Variants in PDGFRB observed in about 807,000 individuals in gnomAD.
PDGFRB encodes the protein platelet-derived growth factor receptor beta.
A neutral mutation model predicts 120.2 loss-of-function variants in PDGFRB; 42 were observed. The observed-to-expected ratio is 0.35, with a 90% CI of 0.27 to 0.45. The LOEUF is 0.45. Ranked by LOEUF, PDGFRB falls within the 20% of genes least tolerant of loss-of-function variation. The pLI is 1.00. For synonymous variants in PDGFRB, 586 were observed against 606.8 expected (o/e 0.97, Z 0.50); for missense variants, 1,149 against 1,476.3 (o/e 0.78, Z 3.63).
intron 8 of PDGFRB, among the ~76,000 whole-genome samples, 181 bp downstream of exon 8, chr5:150,131,798 G>A (rs539636104): frequency 6.6e-6 from 1 of 152,306 alleles, no homozygotes; most frequent in African/African-American, 2.4e-5. Flanking sequence ...ATACAGCTGG[G>A]GAAACTGAGG....
intron 4 of PDGFRB, 52 bp from the exon 5 acceptor site, chr5:150,134,060 C>T (rs1760555668): frequency 1.3e-6 from 2 of 1,582,562 alleles, no homozygotes; most frequent in Non-Finnish European, 1.7e-6. Flanking sequence ...CAGCCACTAG[C>T]ACTTCAGCTT....
rs756251957 is a variant in PDGFRB at position 150,132,057 on chromosome 5, C to T, written c.1165G>A (p.Ala389Thr). The T allele has an allele frequency of 6.8e-6, 11 of 1,610,728 alleles. No homozygotes were observed. The highest frequency in any genetic ancestry group is 9.3e-6 in the Non-Finnish European group (11 of 1,177,048). Reference protein sequence around the residue: ...SELTLVRVKVAEAGHYTMRAF... With the variant: ...SELTLVRVKVTEAGHYTMRAF... ...CGCATGGTGTAGTGGCCAGCCTCTG[C>T]CACCTTCACGCGAACCAGTGTCAGC... Residue 389 changes from alanine to threonine, a missense_variant, in exon 8 of 23, where the codon GCA becomes ACA. This residue lies in a region of PDGFRB where 879 missense variants were observed against 1,108.6 expected (regional missense o/e 0.79). Coordinates refer to ENST00000261799, the MANE Select transcript of PDGFRB (RefSeq NM_002609.4). The surrounding 1 kb of genome is among the most constrained non-coding windows in gnomAD (Gnocchi z 5.0).
intron 1 of PDGFRB, among the ~76,000 whole-genome samples, chr5:150,150,000 CTTTATT>C (rs1434939144): frequency 6.6e-6 from 1 of 152,226 alleles, no homozygotes; most frequent in African/African-American, 2.4e-5. Flanking sequence ...CTTCTCCCCA[CTTTATT>C]ATAAGAGGAA....
intron 22 of PDGFRB, among the ~76,000 whole-genome samples, chr5:150,116,689 T>C (rs549638813): frequency 1.3e-5 from 2 of 151,616 alleles, no homozygotes; most frequent in African/African-American, 4.8e-5. Context: ...AAGCAGCTTG[T>C]CTGAGGGCAC....
At chr5:150,126,840 T>A (rs985499743) in intron 10 of PDGFRB, among the ~76,000 whole-genome samples, 2 of 152,216 alleles carry the variant, frequency 1.3e-5, no homozygotes, top group Admixed American at 6.5e-5. Context: ...CTCAGATCAC[T>A]GCTGGCCTCC....
At position 150,117,546 on chromosome 5, in the gene PDGFRB, A is replaced by ACG. The variant is rs10638773; in HGVS notation, c.3137+71_3137+72insCG. On this transcript the variant is annotated intron_variant, in intron 22 of 22. Transcript: ENST00000261799. ...CCTGGCAGCGCGCGCGCGCGCGCGC[A>ACG]CACACACACACACACACACACACAC... 107,423 of 407,564 alleles carry ACG rather than the reference A, an allele frequency of 0.26. 2,746 individuals carry two copies. The highest frequency in any genetic ancestry group is 0.36 in the Middle Eastern group (514 of 1,446). The allele number at this position is 407,564 out of a possible 1,614,324, so 25.2% of individuals were successfully genotyped here.
At chr5:150,140,227 G>A (rs1011679597) in intron 1 of PDGFRB, among the ~76,000 whole-genome samples, 3 of 152,190 alleles carry the variant, frequency 2.0e-5, no homozygotes, top group African/African-American at 7.2e-5. Flanking sequence ...AGGCTGTTCT[G>A]GTTCCAGCCA....
In PDGFRB at chr5:150,121,226, A is replaced by G. The variant is rs1262390516; in HGVS notation, c.2441T>C (p.Met814Thr). The G allele has an allele frequency of 1.3e-6, 2 of 1,582,250 alleles. No individual in the cohort carries two copies. The highest frequency in any genetic ancestry group is 1.7e-6 in the Non-Finnish European group (2 of 1,151,168). ...TACGTTCTTGGAGGCCAGAAACTCC[A>G]TGCCATTGGCCACCTGGTAGCTGAA... ...VGFSYQVANG[M>T]EFLASKNCVH... is the part of the protein sequence containing the mutation. Residue 814 changes from methionine (M) to threonine (T), a missense_variant, in exon 17 of 23, where the codon ATG becomes ACG. Around this residue, in one of 3 missense-constraint regions of PDGFRB, gnomAD observed 879 missense variants for 1,108.6 expected, o/e 0.79. Coordinates refer to ENST00000261799, the MANE Select transcript of PDGFRB (RefSeq NM_002609.4). This position sits in a 1 kb window ranked among gnomAD's most constrained non-coding sequence, Gnocchi z 4.1.
chr5:150,127,866 A>C (rs1196151110), intron 10 of PDGFRB, among the ~76,000 whole-genome samples: 6 of 136,148 alleles, frequency 4.4e-5, no homozygotes, highest in African/African-American at 1.4e-4. Flanking sequence ...AAAACTTTGG[A>C]TGCTTCCCCA....
intron 1 of PDGFRB, among the ~76,000 whole-genome samples, chr5:150,138,180 G>A (rs533564038): frequency 2.2e-4 from 33 of 152,332 alleles, no homozygotes; most frequent in African/African-American, 5.8e-4. Flanking sequence ...GACAGGGGTC[G>A]CAGAGCATGA....
chr5:150,135,418 C>A, intron 3 of PDGFRB, 137 bp downstream of exon 3: 1 of 687,454 alleles, frequency 1.5e-6, no homozygotes. Flanking sequence ...CCCGACTGAG[C>A]CAGGCTGGTT....
Position 150,132,247 on chromosome 5 carries a change from C to T in PDGFRB, c.1128-153G>A, listed in dbSNP as rs1279196432. On this transcript the variant is annotated intron_variant, in intron 7 of 22. Coordinates refer to ENST00000261799, the MANE Select transcript of PDGFRB (RefSeq NM_002609.4). The surrounding 1 kb of genome is among the most constrained non-coding windows in gnomAD (Gnocchi z 5.0). ...CAGAGCCGGGACTCAAACCAGGTCT[C>T]GTAAATCCTCACCCACAGGCAGTTC... is the stretch of plus-strand genomic sequence containing the variant. Among the ~76,000 whole-genome samples the T allele has an allele frequency of 6.6e-6, 1 of 152,136 alleles. No individual in the cohort carries two copies. Among genetic ancestry groups the T allele is most frequent in the Admixed American group, 6.6e-5 (1 of 15,262 alleles).
intron 1 of PDGFRB, among the ~76,000 whole-genome samples, chr5:150,144,170 C>G (rs1760854469): frequency 6.6e-6 from 1 of 152,142 alleles, no homozygotes; most frequent in Non-Finnish European, 1.5e-5. Flanking sequence ...TCTGGCTATC[C>G]CACCGCCAAT....
chr5:150,132,684 G>A lies in PDGFRB; in HGVS notation c.1127+66C>T, dbSNP rs1409776847. ...GGGCCTAGGTTTGTGGCTGAAAGCC[G>A]AGGGCTGCCTGGCGGCTGCAAAGAA... is the stretch of plus-strand genomic sequence containing the variant. On this transcript the variant is annotated intron_variant, in intron 7 of 22. Transcript: ENST00000261799. The surrounding 1 kb of genome is among the most constrained non-coding windows in gnomAD (Gnocchi z 5.0). The A allele has an allele frequency of 5.4e-6, 8 of 1,483,676 alleles. No homozygotes were observed. Among genetic ancestry groups the A allele is most frequent in the South Asian group, 1.3e-5 (1 of 77,532 alleles). 91.9% of individuals were successfully genotyped at this position (1,483,676 alleles called of 1,614,324 possible).
Position 150,136,972 on chromosome 5 carries a change from C to A in PDGFRB, c.40+36G>T, listed in dbSNP as rs572425348. On this transcript the variant is annotated intron_variant, in intron 2 of 22. Transcript: ENST00000261799. ...CAGCTCCAGGGTTCCACTCCGCAGC[C>A]CCCCGGGTCCCCTACCTTATCTCCC... is the stretch of plus-strand genomic sequence containing the variant. The A allele has an allele frequency of 1.5e-5, 23 of 1,579,792 alleles. No individual in the cohort carries two copies. The East Asian group carries it at 5.2e-4, about 35-fold the overall frequency.
rs1760488285 is a variant in PDGFRB, at chr5:150,132,265, G to T, written c.1128-171C>A. ...CAGGTCTCGTAAATCCTCACCCACAGGCAGTTCCCCTAGGCCAAGAGGGAG... is the reference window on the plus strand; with the variant it reads ...CAGGTCTCGTAAATCCTCACCCACATGCAGTTCCCCTAGGCCAAGAGGGAG... On this transcript the variant is annotated intron_variant, in intron 7 of 22. Transcript: ENST00000261799. This position sits in a 1 kb window ranked among gnomAD's most constrained non-coding sequence, Gnocchi z 5.0. Among the ~76,000 whole-genome samples, 1 of 152,192 alleles carries T rather than the reference G, an allele frequency of 6.6e-6. No individual in the cohort carries two copies. Among genetic ancestry groups the T allele is most frequent in the South Asian group, 2.1e-4 (1 of 4,828 alleles).
intron 1 of PDGFRB, among the ~76,000 whole-genome samples, chr5:150,148,692 T>C (rs763964998): frequency 6.6e-6 from 1 of 152,246 alleles, no homozygotes; most frequent in Non-Finnish European, 1.5e-5. Flanking sequence ...CCTTTTCCAT[T>C]TCTGGGAGGG....
At chr5:150,152,043 G>C (rs900586883) in intron 1 of PDGFRB, among the ~76,000 whole-genome samples, 1 of 151,966 alleles carries the variant, frequency 6.6e-6, no homozygotes, top group Non-Finnish European at 1.5e-5. Flanking sequence ...GAGTAGCTGG[G>C]ATACAGGTGC....
In PDGFRB at chr5:150,121,730, G is replaced by A; in HGVS notation, c.2344+150C>T. 1.5e-6 allele frequency: 1 copy of A among 660,324 alleles called. No individual in the cohort carries two copies. Among genetic ancestry groups the A allele is most frequent in the East Asian group, 2.6e-5 (1 of 38,972 alleles). 40.9% of individuals were successfully genotyped at this position (660,324 alleles called of 1,614,324 possible). A position where few individuals can be genotyped will look rare whatever the true frequency, so the allele number is the denominator to read the frequency against. ...GGCTTCCGTTTAGGGGTCCACTACA[G>A]ATCAGTTTTGGCCAGGTGGCTAGCC... On this transcript the variant is annotated intron_variant, in intron 16 of 22. Coordinates refer to ENST00000261799, the MANE Select transcript of PDGFRB (RefSeq NM_002609.4). This position sits in a 1 kb window ranked among gnomAD's most constrained non-coding sequence, Gnocchi z 4.1.
Sources: allele counts gnomAD v4.1 joint callset (sites outside exome capture counted in the v4.1 genomes callset), GRCh38; gene constraint gnomAD v4.1.1; regional missense constraint gnomAD v4.1.1; non-coding constraint Gnocchi (gnomAD v3.1); transcripts MANE v1.5; gene names NCBI Gene and HGNC (gene_info 2026-07-23, HGNC 2026-07-21).